The following POMGNT1 variants were observed in gnomAD, a reference collection of about 807,000 sequenced individuals.
POMGNT1 encodes protein O-linked-mannose beta-1,2-N-acetylglucosaminyltransferase 1.
A neutral mutation model predicts 95.6 loss-of-function variants in POMGNT1; 67 were observed. The observed-to-expected ratio is 0.70, with a 90% confidence interval of 0.58 to 0.86. The LOEUF is 0.86. POMGNT1 is among the 40% of genes least tolerant of loss of function. The pLI, the probability that POMGNT1 is intolerant of heterozygous loss-of-function variation, is 0.00. For synonymous variants in POMGNT1, 298 were observed against 317.9 expected (o/e 0.94, Z 0.66); for missense variants, 719 against 855.2 (o/e 0.84, Z 1.99).
At position 46,196,407 on chromosome 1, in the gene POMGNT1, G is replaced by A. The variant is rs1658244039; in HGVS notation, c.354+324C>T. Among the ~76,000 whole-genome samples the A allele has an allele frequency of 6.6e-6, 1 of 152,180 alleles. No individual in the cohort carries two copies. The highest frequency in any genetic ancestry group is 1.5e-5 in the Non-Finnish European group (1 of 68,042). The stretch of plus-strand genomic sequence containing the variant: ...GTAGGGCCAGGTCTGATTACTTTCA[G>A]GTCCCCAGTGCCCAGCACAAGGCTG... On this transcript the variant is annotated intron_variant, in intron 4 of 21. Coordinates refer to ENST00000371984, the MANE Select transcript of POMGNT1 (RefSeq NM_017739.4). The surrounding 1 kb of genome is among the most constrained non-coding windows in gnomAD (Gnocchi z 4.4).
intron 1 of POMGNT1, among the ~76,000 whole-genome samples, chr1:46,205,147 A>T (rs1250530937): frequency 6.6e-6 from 1 of 152,004 alleles, no homozygotes; most frequent in African/African-American, 2.4e-5. Context: ...AGTCCTAGCT[A>T]CTCTGGAGGC....
chr1:46,213,200 C>T (rs557281509), intron 1 of POMGNT1, among the ~76,000 whole-genome samples: 4 of 151,202 alleles, frequency 2.6e-5, no homozygotes, highest in South Asian at 2.1e-4. Context: ...CCAAAACATA[C>T]GATGTTTCGA....
chr1:46,195,824 A>G lies in POMGNT1; in HGVS notation c.521T>C (p.Ile174Thr). 6.3e-7 allele frequency: 1 copy of G among 1,596,672 alleles called. No individual in the cohort carries two copies. Among genetic ancestry groups the G allele is most frequent in the Non-Finnish European group, 8.5e-7 (1 of 1,170,400 alleles). The change falls in exon 6 of 22, where the codon ATC becomes ACC. Residue 174 changes from isoleucine to threonine, a missense_variant. Ile to Thr is a moderately conservative substitution (Grantham distance 89). Coordinates refer to ENST00000371984, the MANE Select transcript of POMGNT1 (RefSeq NM_017739.4). ...LNMVAPGRVL[I>T]CTVKDEGSFH... ...AGAATAACTGACCTTGACAGTGCAG[A>G]TGAGCACTCGGCCGGGCGCTACCAT...
chr1:46,215,446 G>A (rs1476845974), intron 1 of POMGNT1, among the ~76,000 whole-genome samples: 8 of 152,282 alleles, frequency 5.3e-5, no homozygotes, highest in Admixed American at 2.0e-4. Flanking sequence ...TAACTCAATA[G>A]ATGAAAATAA....
Position 46,190,452 on chromosome 1 carries a change from CCCAA to C in POMGNT1, c.1649+17_1649+20del, listed in dbSNP as rs1173700375. The C allele has an allele frequency of 6.4e-7, 1 of 1,569,694 alleles. No homozygotes were observed. Among genetic ancestry groups the C allele is most frequent in the African/African-American group, 1.4e-5 (1 of 73,828 alleles). ...TTTGACTCTTTGCTCCCTGCTACAC[CCCAA>C]TTGTCCTAGGCCATACCTGAGCAGC... On this transcript the variant is annotated intron_variant, in intron 19 of 21. Coordinates refer to ENST00000371984, the MANE Select transcript of POMGNT1 (RefSeq NM_017739.4).
chr1:46,200,282 T>C (rs572852841), upstream of POMGNT1, among the ~76,000 whole-genome samples: 2 of 152,238 alleles, frequency 1.3e-5, no homozygotes, highest in Non-Finnish European at 2.9e-5. Flanking sequence ...ATGACCTCTG[T>C]TACCAATCTA....
intron 1 of POMGNT1, chr1:46,203,734 C>T: frequency 9.6e-7 from 1 of 1,036,774 alleles, no homozygotes; most frequent in Non-Finnish European, 1.4e-6. Flanking sequence ...AAACTCTCCA[C>T]CTAACTGCTC....
intron 1 of POMGNT1, chr1:46,203,465 G>A (rs776919489): frequency 6.6e-7 from 1 of 1,508,844 alleles, no homozygotes; most frequent in South Asian, 1.3e-5. Context: ...CTGACCTGCG[G>A]GATGTGGAGG....
intron 2 of POMGNT1, chr1:46,197,488 C>T (rs1029966948): frequency 2.7e-5 from 40 of 1,484,678 alleles, no homozygotes; most frequent in East Asian, 7.5e-5. Flanking sequence ...TTCAGGCTTC[C>T]GTCAGAAGCT....
At chr1:46,212,169 T>C (rs1387769564) in intron 1 of POMGNT1, among the ~76,000 whole-genome samples, 1 of 152,216 alleles carries the variant, frequency 6.6e-6, no homozygotes, top group Non-Finnish European at 1.5e-5. Context: ...ACAAAAAACA[T>C]TTACTGTGTT....
At chr1:46,200,565 G>A (rs1421822460), upstream of POMGNT1, among the ~76,000 whole-genome samples, 1 of 152,176 alleles carries the variant, frequency 6.6e-6, no homozygotes, top group African/African-American at 2.4e-5. Flanking sequence ...CACAAAGGCT[G>A]GCACATAGTA....
intron 19 of POMGNT1, 75 bp from the exon 20 acceptor site, chr1:46,190,064 G>C: frequency 6.6e-7 from 1 of 1,523,556 alleles, no homozygotes; most frequent in Non-Finnish European, 9.0e-7. Flanking sequence ...CCCTGTACTT[G>C]GTTGAATGCT....
Position 46,190,513 on chromosome 1 carries a change from T to A in POMGNT1, c.1609A>T (p.Lys537Ter). 2 of 1,605,596 alleles carry A rather than the reference T, an allele frequency of 1.2e-6. No homozygotes were observed. Among genetic ancestry groups the A allele is most frequent in the Middle Eastern group, 3.3e-4 (2 of 6,034 alleles). Reference protein sequence around the residue: ...GVQLRNVDSLKKEAYEVEVHR... With the variant: ...GVQLRNVDSL ...ACTTCCACTTCATAAGCTTCTTTCT[T>A]CAGACTGAAGAGGAGGGAGAAATGG... The change falls in exon 19 of 22, where the codon AAG becomes TAG. Residue 537 changes from lysine to a stop codon, truncating the protein, a stop_gained. Coordinates refer to ENST00000371984, the MANE Select transcript of POMGNT1 (RefSeq NM_017739.4). LOFTEE classifies it high-confidence loss of function.
chr1:46,215,744 T>G (rs1001293653), intron 1 of POMGNT1, among the ~76,000 whole-genome samples: 5 of 151,856 alleles, frequency 3.3e-5, no homozygotes, highest in African/African-American at 1.2e-4. Context: ...AAAAAAAAAT[T>G]TAAAAATTAG....
At chr1:46,212,255 C>A (rs1658919801) in intron 1 of POMGNT1, among the ~76,000 whole-genome samples, 2 of 151,794 alleles carry the variant, frequency 1.3e-5, no homozygotes, top group Admixed American at 6.6e-5. Flanking sequence ...AATGTCAGAC[C>A]ATGTATAACA....
At chr1:46,198,578 G>A (rs1571674977), upstream of POMGNT1, 1 of 165,280 alleles carries the variant, frequency 6.1e-6, no homozygotes. Flanking sequence ...CAGCCAGCGA[G>A]TAAGGCGAAT....
chr1:46,189,283 G>A lies in POMGNT1; in HGVS notation c.1970C>T (p.Pro657Leu), dbSNP rs1396164428. ...PPKEEGAPGA[P>L]EQT ...CTGGAGGAGGTCTCATGTCTGTTCT[G>A]GGGCTCCTGGGGCTCCCTCCTCCTT... is the stretch of plus-strand genomic sequence containing the variant. Residue 657 changes from proline (P) to leucine (L), a missense_variant, in exon 22 of 22, where the codon CCA becomes CTA. Around this residue, in one of 5 missense-constraint regions of POMGNT1, gnomAD observed 130 missense variants for 149.2 expected, o/e 0.87. Coordinates refer to ENST00000371984, the MANE Select transcript of POMGNT1 (RefSeq NM_017739.4). 1 of 1,613,470 alleles carries A rather than the reference G, an allele frequency of 6.2e-7. No homozygotes were observed. Among genetic ancestry groups the A allele is most frequent in the Admixed American group, 1.7e-5 (1 of 59,992 alleles).
At chr1:46,191,531 A>C in intron 17 of POMGNT1, 1 of 190,590 alleles carries the variant, frequency 5.2e-6, no homozygotes, top group Non-Finnish European at 1.1e-5. Context: ...GTAAAAATAA[A>C]AACAATACCA....
chr1:46,193,304 C>T lies in POMGNT1; in HGVS notation c.1110+1G>A, dbSNP rs1657940058. On this transcript the variant is annotated splice_donor_variant, in intron 12 of 21. Coordinates refer to ENST00000371984, the MANE Select transcript of POMGNT1 (RefSeq NM_017739.4). LOFTEE classifies it high-confidence loss of function. ...CCCATCCCCACTTGCCTATGCAGTA[C>T]CTGAGACACGCGGGCATTCTTGATG... 1.2e-6 allele frequency: 2 copies of T among 1,613,750 alleles called. No homozygotes were observed. Among genetic ancestry groups the T allele is most frequent in the Admixed American group, 1.7e-5 (1 of 59,934 alleles).
Sources: gnomAD v4.1 joint callset for allele counts (sites outside exome capture counted in the v4.1 genomes callset) on GRCh38, gnomAD v4.1.1 for gene constraint, gnomAD v4.1.1 regional missense constraint, Gnocchi (gnomAD v3.1) non-coding constraint, MANE v1.5 for transcripts, NCBI Gene and HGNC (gene_info 2026-07-23, HGNC 2026-07-21) for gene names.